FAM156A: variants seen among roughly 807,000 people sequenced by gnomAD.
FAM156A encodes the protein family with sequence similarity 156 member A.
intron 1 of FAM156A, among the ~76,000 whole-genome samples, chrX:52,975,742 C>T (rs782071974): frequency 7.1e-4 from 80 of 112,103 alleles, no homozygotes; most frequent in Non-Finnish European, 1.2e-3. Context: ...GCAGGTGGGC[C>T]GGGCCTTGAC....
chrX:52,987,991 CTA>C (rs1930416970), intron 1 of FAM156A, among the ~76,000 whole-genome samples: 1 of 111,869 alleles, frequency 8.9e-6, no homozygotes, highest in Non-Finnish European at 1.9e-5. Context: ...TGGCTCATGC[CTA>C]TAATCCCAGC....
At chrX:52,975,592 G>A (rs1376714664) in intron 1 of FAM156A, among the ~76,000 whole-genome samples, 13 of 111,848 alleles carry the variant, frequency 1.2e-4, no homozygotes, top group African/African-American at 4.2e-4. Context: ...TGTGCCTCTC[G>A]CTTTGCACTG....
intron 1 of FAM156A, among the ~76,000 whole-genome samples, chrX:52,982,384 G>A (rs1214919627): frequency 9.0e-6 from 1 of 111,625 alleles, no homozygotes; most frequent in Non-Finnish European, 1.9e-5. Context: ...AGCCTGGAAG[G>A]CGGAGGTTAT....
intron 1 of FAM156A, among the ~76,000 whole-genome samples, chrX:52,984,764 G>A (rs917696518): frequency 9.0e-6 from 1 of 110,863 alleles, no homozygotes; most frequent in African/African-American, 3.3e-5. Context: ...AGCTACTCAG[G>A]AGGCTGAGGC....
At chrX:52,992,523 G>A (rs1930851045) in intron 1 of FAM156A, among the ~76,000 whole-genome samples, 1 of 111,439 alleles carries the variant, frequency 9.0e-6, no homozygotes, top group Non-Finnish European at 1.9e-5. Flanking sequence ...AGCAGGCCAG[G>A]GCACTGCGAG....
intron 1 of FAM156A, among the ~76,000 whole-genome samples, chrX:52,989,427 T>C (rs1556795033): frequency 8.9e-6 from 1 of 112,044 alleles, no homozygotes; most frequent in African/African-American, 3.2e-5. Flanking sequence ...CCAAATCTGC[T>C]TTATTAACGC....
intron 1 of FAM156A, among the ~76,000 whole-genome samples, chrX:52,977,065 CATATACAT>C (rs1309725926): frequency 3.0e-5 from 3 of 100,526 alleles, no homozygotes; most frequent in Non-Finnish European, 4.0e-5. Context: ...CACATATATA[CATATACAT>C]ATATACATAT....
intron 1 of FAM156A, among the ~76,000 whole-genome samples, chrX:52,989,291 CACA>C (rs1253752853): frequency 5.4e-5 from 6 of 111,669 alleles, no homozygotes; most frequent in Non-Finnish European, 9.4e-5. Context: ...TGGTTCTGCT[CACA>C]ACCTCAGAAC....
At chrX:52,979,227 A>G (rs1556792932) in intron 1 of FAM156A, among the ~76,000 whole-genome samples, 2 of 111,149 alleles carry the variant, frequency 1.8e-5, no homozygotes, top group Non-Finnish European at 3.8e-5. Flanking sequence ...TTTCTCCTTG[A>G]AGGCCTCAGT....
chrX:52,993,036 C>A (rs1285294135), intron 1 of FAM156A, among the ~76,000 whole-genome samples: 5 of 111,596 alleles, frequency 4.5e-5, no homozygotes, highest in Non-Finnish European at 9.4e-5. Flanking sequence ...CAGGGCACTT[C>A]TCTGAGCCTC....
At chrX:52,988,139 G>A (rs1385767482) in intron 1 of FAM156A, among the ~76,000 whole-genome samples, 3 of 109,306 alleles carry the variant, frequency 2.7e-5, no homozygotes, top group Non-Finnish European at 5.7e-5. Flanking sequence ...TACTCAGGAG[G>A]CTGAGGCAGG....
At chrX:52,993,433 G>A (rs1410038600) in intron 1 of FAM156A, among the ~76,000 whole-genome samples, 2 of 22,870 alleles carry the variant, frequency 8.7e-5, no homozygotes, top group African/African-American at 3.3e-4. Flanking sequence ...TTTTTTTTTT[G>A]AGACAAAATC....
intron 1 of FAM156A, among the ~76,000 whole-genome samples, chrX:52,974,663 G>C (rs1198780952): frequency 9.0e-6 from 1 of 110,878 alleles, no homozygotes; most frequent in East Asian, 2.8e-4. Context: ...TGAATCTCAA[G>C]CTTCTTTTTA....
chrX:52,977,112 A>G (rs1369733103), intron 1 of FAM156A, among the ~76,000 whole-genome samples: 7 of 107,100 alleles, frequency 6.5e-5, no homozygotes, highest in African/African-American at 2.4e-4. Flanking sequence ...ACACATATAT[A>G]TATATATATA....
chrX:52,973,811 C>T (rs1929227426), intron 1 of FAM156A, among the ~76,000 whole-genome samples: 1 of 110,189 alleles, frequency 9.1e-6, no homozygotes, highest in Non-Finnish European at 1.9e-5. Context: ...TACAGGTGCA[C>T]GCCGCCACGC....
intron 1 of FAM156A, among the ~76,000 whole-genome samples, chrX:52,991,849 T>C (rs1930799978): frequency 9.1e-6 from 1 of 109,785 alleles, no homozygotes; most frequent in African/African-American, 3.4e-5. Flanking sequence ...TGCCCGGCAC[T>C]GCTCTCGGTG....
intron 1 of FAM156A, among the ~76,000 whole-genome samples, chrX:52,977,105 C>CA (rs1351857746): frequency 1.0e-5 from 1 of 97,630 alleles, no homozygotes; most frequent in Admixed American, 1.1e-4. Flanking sequence ...CACACACACA[C>CA]ATATATATAT....
At chrX:52,991,219 G>A (rs1351130796) in intron 1 of FAM156A, among the ~76,000 whole-genome samples, 1 of 111,406 alleles carries the variant, frequency 9.0e-6, no homozygotes, top group Non-Finnish European at 1.9e-5. Context: ...GGAGAGCCAG[G>A]GAGGTGGATG....
At chrX:52,986,778 A>G in intron 1 of FAM156A, among the ~76,000 whole-genome samples, 1 of 111,887 alleles carries the variant, frequency 8.9e-6, no homozygotes, top group African/African-American at 3.2e-5. Context: ...TGCTTTCTCC[A>G]TAACATCAGG....
Sources: allele counts gnomAD v4.1 joint callset (sites outside exome capture counted in the v4.1 genomes callset), GRCh38; gene constraint gnomAD v4.1.1; transcripts MANE v1.5; gene names NCBI Gene and HGNC (gene_info 2026-07-23, HGNC 2026-07-21).